The following PHKB variants were observed in gnomAD, a reference collection of about 807,000 sequenced individuals.
PHKB encodes phosphorylase kinase regulatory subunit beta, also known as phosphorylase b kinase regulatory subunit beta.
PHKB carries 122 observed loss-of-function variants against 152.1 expected under a neutral mutation model. The ratio of observed to expected loss-of-function variants is 0.80; its 90% confidence interval spans 0.69 to 0.93. The LOEUF (loss-of-function observed/expected upper bound fraction) is 0.93. Ranked by LOEUF, PHKB falls within the 40% of genes least tolerant of loss-of-function variation. PHKB has a pLI of 0.00. For missense variants in PHKB, 1,304 were observed against 1,328.4 expected, an observed-to-expected ratio of 0.98 and a Z score of 0.29; for synonymous variants, 436 against 464.9, an observed-to-expected ratio of 0.94 and a Z score of 0.80.
At chr16:47,622,461 T>C (rs1283933884) in intron 14 of PHKB, among the ~76,000 whole-genome samples, 2 of 152,112 alleles carry the variant, frequency 1.3e-5, no homozygotes, top group Admixed American at 6.5e-5. Flanking sequence ...CCTTGGAGAG[T>C]TCCATGTATT....
chr16:47,600,193 C>A (rs964845796), intron 13 of PHKB, among the ~76,000 whole-genome samples: 1 of 152,084 alleles, frequency 6.6e-6, no homozygotes, highest in Non-Finnish European at 1.5e-5. Flanking sequence ...GACTTCTATT[C>A]AATTGTTAAA....
At position 47,669,269 on chromosome 16, in the gene PHKB, C is replaced by G. The variant is rs1421044446; in HGVS notation, c.2482C>G (p.Pro828Ala). ...AGAAGTTATCTCTAATCCTTTGTCT[C>G]CAAGAGTGATTCAAAACATCATCTA... ...EEEVISNPLS[P>A]RVIQNIIYYK... Residue 828 changes from proline (P) to alanine (A), a missense_variant, in exon 26 of 31, where the codon CCA becomes GCA. Coordinates refer to ENST00000323584, the MANE Select transcript of PHKB (RefSeq NM_000293.3). 4.3e-6 allele frequency: 7 copies of G among 1,614,050 alleles called. No homozygotes were observed. Among genetic ancestry groups the G allele is most frequent in the Non-Finnish European group, 5.9e-6 (7 of 1,179,984 alleles).
At chr16:47,566,128 G>T in intron 7 of PHKB, 2 of 653,426 alleles carry the variant, frequency 3.1e-6, no homozygotes, top group South Asian at 1.7e-5. Context: ...CTGCTGCCTT[G>T]GTCATCATAG....
intron 6 of PHKB, among the ~76,000 whole-genome samples, chr16:47,539,981 G>C (rs1971023579): frequency 6.6e-6 from 1 of 152,172 alleles, no homozygotes; most frequent in Admixed American, 6.5e-5. Flanking sequence ...CATAAGGTCT[G>C]ACTGTCTGCA....
chr16:47,556,982 C>T (rs1007148898), intron 7 of PHKB, among the ~76,000 whole-genome samples: 2 of 152,290 alleles, frequency 1.3e-5, no homozygotes, highest in African/African-American at 2.4e-5. Flanking sequence ...GCAACTTCTT[C>T]GTGGTTTAGT....
chr16:47,569,125 C>G (rs1295347500), intron 7 of PHKB, among the ~76,000 whole-genome samples: 1 of 152,160 alleles, frequency 6.6e-6, no homozygotes, highest in Non-Finnish European at 1.5e-5. Flanking sequence ...GTGTTGAAGT[C>G]TCCTACTATT....
At chr16:47,622,345 A>G (rs1029538998) in intron 14 of PHKB, among the ~76,000 whole-genome samples, 2 of 152,156 alleles carry the variant, frequency 1.3e-5, no homozygotes, top group Non-Finnish European at 2.9e-5. Flanking sequence ...TTCTAGCTCC[A>G]CCTTGTTTAA....
At chr16:47,483,148 C>T (rs1349175557) in intron 1 of PHKB, among the ~76,000 whole-genome samples, 2 of 147,534 alleles carry the variant, frequency 1.4e-5, no homozygotes, top group Non-Finnish European at 3.0e-5. Context: ...AAGCGATTCT[C>T]ATGCCTCAGC....
At chr16:47,689,299 G>T (rs1380001596) in intron 27 of PHKB, 124 bp downstream of exon 27, 4 of 873,160 alleles carry the variant, frequency 4.6e-6, no homozygotes, top group Non-Finnish European at 7.4e-6. Flanking sequence ...AGTGTCAGAG[G>T]CCACCCCACT....
intron 1 of PHKB, among the ~76,000 whole-genome samples, chr16:47,495,802 T>C (rs1970222197): frequency 6.6e-6 from 1 of 152,004 alleles, no homozygotes; most frequent in East Asian, 1.9e-4. Context: ...AGGAAAGGAG[T>C]ACTGATGTTC....
At position 47,499,737 on chromosome 16, in the gene PHKB, G is replaced by C; in HGVS notation, c.167-19G>C. The C allele has an allele frequency of 6.2e-7, 1 of 1,614,048 alleles. No homozygotes were observed. Among genetic ancestry groups the C allele is most frequent in the Non-Finnish European group, 8.5e-7 (1 of 1,179,876 alleles). On this transcript the variant is annotated intron_variant, in intron 2 of 30. Transcript: ENST00000323584. ...TCGCTGACTGTACAGTTCATTCTTTGTCTTGTCCTCAATTGCAGTCAAGTC... is the reference window on the plus strand; with the variant it reads ...TCGCTGACTGTACAGTTCATTCTTTCTCTTGTCCTCAATTGCAGTCAAGTC...
intron 6 of PHKB, among the ~76,000 whole-genome samples, chr16:47,531,289 G>A (rs2151661989): frequency 6.6e-6 from 1 of 152,274 alleles, no homozygotes; most frequent in African/African-American, 2.4e-5. Context: ...GTGATAATCA[G>A]TTCCCAGGTG....
chr16:47,495,154 C>T (rs921664112), intron 1 of PHKB, among the ~76,000 whole-genome samples: 3 of 146,798 alleles, frequency 2.0e-5, no homozygotes, highest in Admixed American at 2.0e-4. Context: ...GTCTGATTTT[C>T]CTTTTGTTTA....
chr16:47,523,269 C>G (rs944864445), intron 6 of PHKB, among the ~76,000 whole-genome samples: 1 of 152,106 alleles, frequency 6.6e-6, no homozygotes, highest in Non-Finnish European at 1.5e-5. Context: ...TCAGGTCTCC[C>G]TACTTCAAAG....
chr16:47,666,602 C>A (rs139875380), intron 25 of PHKB, among the ~76,000 whole-genome samples: 1 of 152,352 alleles, frequency 6.6e-6, no homozygotes, highest in Non-Finnish European at 1.5e-5. Flanking sequence ...AGGTCTGTGA[C>A]AATTCCCACA....
intron 6 of PHKB, among the ~76,000 whole-genome samples, chr16:47,543,186 G>A (rs948327681): frequency 3.3e-5 from 5 of 152,104 alleles, no homozygotes; most frequent in East Asian, 1.9e-4. Context: ...TCAATACCTA[G>A]TTTATTGAGA....
intron 14 of PHKB, among the ~76,000 whole-genome samples, chr16:47,620,108 A>C (rs1258066578): frequency 6.6e-6 from 1 of 152,152 alleles, no homozygotes; most frequent in African/African-American, 2.4e-5. Context: ...TTCTCCCTTC[A>C]TTTTGTTTTT....
At chr16:47,629,601 TGGAAG>T (rs1331703251) in intron 14 of PHKB, among the ~76,000 whole-genome samples, 3 of 150,176 alleles carry the variant, frequency 2.0e-5, no homozygotes, top group African/African-American at 7.3e-5. Context: ...TCAACCATTG[TGGAAG>T]TCAGTGTGGC....
intron 20 of PHKB, among the ~76,000 whole-genome samples, chr16:47,654,964 A>G (rs1194054279): frequency 6.6e-6 from 1 of 152,142 alleles, no homozygotes; most frequent in Non-Finnish European, 1.5e-5. Flanking sequence ...AAAAAAATAA[A>G]TAAAGAAAAG....
Sources: allele counts gnomAD v4.1 joint callset (sites outside exome capture counted in the v4.1 genomes callset), GRCh38; gene constraint gnomAD v4.1.1; transcripts MANE v1.5; gene names NCBI Gene and HGNC (gene_info 2026-07-23, HGNC 2026-07-21).